The following FYB2 variants were observed in gnomAD, a reference collection of about 807,000 sequenced individuals.
The protein encoded by FYB2 is FYN binding protein 2, also known as FYN-binding protein 2.
FYB2 carries 103 observed loss-of-function variants against 94.1 expected under a neutral mutation model. The observed-to-expected ratio is 1.09, with a 90% CI of 0.93 to 1.29. The LOEUF (loss-of-function observed/expected upper bound fraction) is 1.29, where lower values mean the gene tolerates loss of function less well. Ranked by LOEUF, FYB2 falls within the 50% of genes most tolerant of loss-of-function variation. FYB2 has a pLI of 0.00. For missense variants in FYB2, 896 were observed against 841.5 expected (o/e 1.06, Z -0.80); for synonymous variants, 293 against 287.9 (o/e 1.02, Z -0.18).
chr1:56,824,012 G>T (rs1047455103), upstream of FYB2: 1 of 152,152 alleles, frequency 6.6e-6, no homozygotes, highest in Non-Finnish European at 1.5e-5. Context: ...GGGAACCCCC[G>T]TCTCTCTTTG....
At chr1:56,823,269 G>A (rs569184548), upstream of FYB2, among the ~76,000 whole-genome samples, 10 of 152,080 alleles carry the variant, frequency 6.6e-5, no homozygotes, top group South Asian at 6.2e-4. Flanking sequence ...ATTCCATGGC[G>A]GCTGCAAAAG....
intron 16 of FYB2, among the ~76,000 whole-genome samples, chr1:56,725,603 TA>T (rs1489086037): frequency 9.2e-5 from 14 of 152,088 alleles, no homozygotes; most frequent in African/African-American, 3.4e-4. Flanking sequence ...CAAATGTATG[TA>T]AAAGTATGAA....
chr1:56,821,129 G>C (rs903072861), upstream of FYB2, among the ~76,000 whole-genome samples: 1 of 152,206 alleles, frequency 6.6e-6, no homozygotes, highest in East Asian at 1.9e-4. Flanking sequence ...AAACAGTGGA[G>C]GAAGCTCTCG....
chr1:56,787,300 A>G lies in FYB2; in HGVS notation c.920-92T>C, dbSNP rs1043100399. 80 of 1,483,594 alleles carry G rather than the reference A, an allele frequency of 5.4e-5. No homozygotes were observed. The African/African-American group carries it at 1.1e-3, about 20-fold the overall frequency. 91.9% of individuals were successfully genotyped at this position (1,483,594 alleles called of 1,614,324 possible). On this transcript the variant is annotated intron_variant, in intron 3 of 19. Transcript: ENST00000343433. ...TGTGTGATGACTTGATCCCACAGAT[A>G]ATGTGGAGAGTGGAAGCTTGCCTGT...
intron 4 of FYB2, among the ~76,000 whole-genome samples, chr1:56,783,490 A>G (rs1329510989): frequency 6.6e-6 from 1 of 152,198 alleles, no homozygotes; most frequent in African/African-American, 2.4e-5. Context: ...TGTTTTATAC[A>G]TTATGGTTGA....
At chr1:56,811,537 C>T (rs1646766590) in intron 1 of FYB2, among the ~76,000 whole-genome samples, 1 of 152,140 alleles carries the variant, frequency 6.6e-6, no homozygotes, top group South Asian at 2.1e-4. Context: ...GAGATGATGC[C>T]AGCCCTTGCT....
chr1:56,795,414 T>C (rs1646373681), intron 1 of FYB2, among the ~76,000 whole-genome samples: 1 of 152,216 alleles, frequency 6.6e-6, no homozygotes, highest in Non-Finnish European at 1.5e-5. Flanking sequence ...ATATCTTAGC[T>C]ATTATGAATG....
chr1:56,784,622 C>A (rs143549549), intron 4 of FYB2, among the ~76,000 whole-genome samples: 3 of 152,286 alleles, frequency 2.0e-5, no homozygotes, highest in African/African-American at 4.8e-5. Context: ...TAATTTTATA[C>A]ATTAGAATAT....
chr1:56,770,876 ACTC>A (rs1306151988), intron 4 of FYB2, among the ~76,000 whole-genome samples: 1 of 152,170 alleles, frequency 6.6e-6, no homozygotes, highest in Non-Finnish European at 1.5e-5. Flanking sequence ...ATAAAGGTAA[ACTC>A]CTAACCTCAT....
At chr1:56,788,655 A>T (rs1193582107) in intron 3 of FYB2, among the ~76,000 whole-genome samples, 1 of 152,162 alleles carries the variant, frequency 6.6e-6, no homozygotes, top group Non-Finnish European at 1.5e-5. Context: ...GATTGTGTTG[A>T]CAACACAGGT....
chr1:56,738,523 A>G (rs1379255669), intron 14 of FYB2, 102 bp downstream of exon 14: 23 of 1,228,948 alleles, frequency 1.9e-5, no homozygotes, highest in Admixed American at 1.7e-4. Flanking sequence ...GCAATTTTTC[A>G]TCAAATGTGG....
rs1236530517 is a variant in FYB2 at position 56,743,957 on chromosome 1, T to C, written c.1543+69A>G. The C allele has an allele frequency of 2.0e-5, 30 of 1,481,190 alleles. No individual in the cohort carries two copies. Among genetic ancestry groups the C allele is most frequent in the Admixed American group, 3.7e-5 (2 of 53,808 alleles). 91.8% of individuals were successfully genotyped at this position (1,481,190 alleles called of 1,614,324 possible). A position where few individuals can be genotyped will look rare whatever the true frequency, so the allele number is the denominator to read the frequency against. Reference sequence around the variant, plus strand: ...ATATGAATAATTAAAAGACATCTTATCACTAATCAGCCATAGAAGCATTCT... The same window carrying C: ...ATATGAATAATTAAAAGACATCTTACCACTAATCAGCCATAGAAGCATTCT... On this transcript the variant is annotated intron_variant, in intron 11 of 19. Transcript: ENST00000343433.
chr1:56,743,437 T>C (rs964751720), intron 11 of FYB2, among the ~76,000 whole-genome samples: 3 of 151,994 alleles, frequency 2.0e-5, no homozygotes, highest in Non-Finnish European at 2.9e-5. Flanking sequence ...GAATATTCCC[T>C]GTGGAAATAA....
chr1:56,811,102 T>C (rs72911318), intron 1 of FYB2, among the ~76,000 whole-genome samples: 2,887 of 152,198 alleles, frequency 0.019, 95 homozygotes, highest in African/African-American at 0.066. Flanking sequence ...AAATCATAGA[T>C]GCTCTAGGGG....
At chr1:56,742,734 C>T (rs1368227391) in intron 11 of FYB2, among the ~76,000 whole-genome samples, 1 of 152,004 alleles carries the variant, frequency 6.6e-6, no homozygotes, top group Non-Finnish European at 1.5e-5. Flanking sequence ...ATATCAGGGT[C>T]AGGATTTTTA....
At chr1:56,730,718 A>C (rs1453277049) in intron 15 of FYB2, among the ~76,000 whole-genome samples, 1 of 152,112 alleles carries the variant, frequency 6.6e-6, no homozygotes, top group Admixed American at 6.6e-5. Context: ...TTAAAAAAGA[A>C]TTAATACCAA....
intron 7 of FYB2, 30 bp downstream of exon 7, chr1:56,755,866 G>A: frequency 6.3e-7 from 1 of 1,581,552 alleles, no homozygotes; most frequent in Non-Finnish European, 8.7e-7. Flanking sequence ...TGCTTGGACA[G>A]GTGCTTTTCT....
chr1:56,722,568 A>G (rs1477002684), intron 17 of FYB2, among the ~76,000 whole-genome samples: 2 of 152,074 alleles, frequency 1.3e-5, no homozygotes, highest in Non-Finnish European at 2.9e-5. Context: ...AGTCAGATAC[A>G]GAAAAGTGCA....
chr1:56,792,080 A>C lies in FYB2; in HGVS notation c.733T>G (p.Cys245Gly). ...CCTGGGGCCTGACTGGCAAGCTCAC[A>C]CTCATAGATGGGCTGGCAGGGGCTG... ...ASSPCQPIYE[C>G]ELASQAPEKQ... is the part of the protein sequence containing the mutation. Residue 245 changes from cysteine (C) to glycine (G), a missense_variant, in exon 2 of 20, where the codon TGT (cysteine) becomes GGT (glycine). Coordinates refer to ENST00000343433, the MANE Select transcript of FYB2 (RefSeq NM_001004303.5). 1 of 1,599,516 alleles carries C rather than the reference A, an allele frequency of 6.3e-7. No individual in the cohort carries two copies. Among genetic ancestry groups the C allele is most frequent in the Non-Finnish European group, 8.5e-7 (1 of 1,174,666 alleles).
Sources: allele counts gnomAD v4.1 joint callset (sites outside exome capture counted in the v4.1 genomes callset), GRCh38; gene constraint gnomAD v4.1.1; transcripts MANE v1.5; gene names NCBI Gene and HGNC (gene_info 2026-07-23, HGNC 2026-07-21).